Variants in EFHC2 observed in about 807,000 individuals in gnomAD.
EFHC2 encodes EF-hand domain-containing family member C2.
In EFHC2, 18 loss-of-function variants were observed where a neutral mutation model predicts 52.7. The observed-to-expected ratio is 0.34, with a 90% CI of 0.24 to 0.51. The LOEUF is 0.51. EFHC2 is among the 20% of genes least tolerant of loss of function. The pLI is 0.97. For missense variants in EFHC2, 513 were observed against 562.5 expected, an observed-to-expected ratio of 0.91 and a Z score of 0.89; for synonymous variants, 203 against 204.1, an observed-to-expected ratio of 0.99 and a Z score of 0.04.
At chrX:44,180,757 T>TAAATA (rs1556000882) in intron 11 of EFHC2, among the ~76,000 whole-genome samples, 6 of 104,907 alleles carry the variant, frequency 5.7e-5, no homozygotes, top group African/African-American at 1.4e-4. Flanking sequence ...AATAAATAAA[T>TAAATA]AAAAATAAAA....
chrX:44,343,629 G>T lies in EFHC2; in HGVS notation c.-41C>A. 9.6e-7 allele frequency: 1 copy of T among 1,037,087 alleles called. No homozygotes were observed. The highest frequency in any genetic ancestry group is 1.2e-6 in the Non-Finnish European group (1 of 804,624). 85.5% of individuals were successfully genotyped at this position (1,037,087 alleles called of 1,213,427 possible). On this transcript the variant is annotated 5_prime_UTR_variant, in exon 1 of 15. Coordinates refer to ENST00000420999, the MANE Select transcript of EFHC2 (RefSeq NM_025184.4). ...AAAATCCAGGGTCCCAGAAGAGAGG[G>T]CCCGGCAGGCAGCGGCGCCTCCCGG...
intron 8 of EFHC2, among the ~76,000 whole-genome samples, chrX:44,239,679 G>T (rs2037345840): frequency 8.9e-6 from 1 of 111,796 alleles, no homozygotes; most frequent in Admixed American, 9.5e-5. Flanking sequence ...ACTTTCCAAG[G>T]ATTTGATGAT....
chrX:44,250,063 A>G (rs952543619), intron 5 of EFHC2, 131 bp downstream of exon 5: 99 of 779,295 alleles, frequency 1.3e-4, no homozygotes, highest in Non-Finnish European at 1.7e-4. Flanking sequence ...AGGGCACAAA[A>G]TGAAAGGTTT....
At chrX:44,159,213 A>G (rs1256333790) in intron 14 of EFHC2, among the ~76,000 whole-genome samples, 2 of 111,814 alleles carry the variant, frequency 1.8e-5, no homozygotes, top group Non-Finnish European at 3.8e-5. Context: ...ACACTCCCAA[A>G]AAAACATCCT....
At chrX:44,301,937 T>C (rs2037871649) in intron 2 of EFHC2, among the ~76,000 whole-genome samples, 1 of 112,254 alleles carries the variant, frequency 8.9e-6, no homozygotes, top group East Asian at 2.8e-4. Flanking sequence ...ATTTGGGTTG[T>C]TCCCTGTTTT....
At chrX:44,179,868 G>A (rs767102476) in intron 11 of EFHC2, among the ~76,000 whole-genome samples, 1 of 112,162 alleles carries the variant, frequency 8.9e-6, no homozygotes, top group Non-Finnish European at 1.9e-5. Flanking sequence ...GCCACAAACT[G>A]GTAGGGCCAC....
chrX:44,225,415 C>T (rs1290205664), intron 11 of EFHC2, among the ~76,000 whole-genome samples: 9 of 110,684 alleles, frequency 8.1e-5, no homozygotes, highest in African/African-American at 2.3e-4. Flanking sequence ...AGCTCCTACC[C>T]TCAAAGTTTT....
chrX:44,327,610 T>C (rs1157744456), intron 1 of EFHC2, among the ~76,000 whole-genome samples: 2 of 111,549 alleles, frequency 1.8e-5, no homozygotes, highest in Non-Finnish European at 3.8e-5. Flanking sequence ...ATTCTTTTCT[T>C]TTTTGCTGTA....
intron 13 of EFHC2, among the ~76,000 whole-genome samples, chrX:44,171,236 C>T (rs761047555): frequency 5.4e-5 from 6 of 111,226 alleles, no homozygotes; most frequent in Non-Finnish European, 1.1e-4. Context: ...TCATACTCCC[C>T]CTCCCCAAAA....
chrX:44,235,182 T>A, intron 9 of EFHC2, 123 bp downstream of exon 9: 1 of 617,090 alleles, frequency 1.6e-6, no homozygotes, highest in Non-Finnish European at 2.2e-6. Flanking sequence ...TCAGGGTTTT[T>A]TTTTATAAAG....
At chrX:44,304,145 G>T (rs1485657184) in intron 2 of EFHC2, among the ~76,000 whole-genome samples, 2 of 112,310 alleles carry the variant, frequency 1.8e-5, no homozygotes, top group African/African-American at 6.5e-5. Context: ...AGCATAAACT[G>T]CTAAATGCCA....
At chrX:44,156,893 C>T (rs182519534) in intron 14 of EFHC2, among the ~76,000 whole-genome samples, 128 of 111,875 alleles carry the variant, frequency 1.1e-3, no homozygotes, top group African/African-American at 4.1e-3. Flanking sequence ...CATGACAGTG[C>T]CAGGGCAACA....
chrX:44,222,745 T>C (rs1176280946), intron 11 of EFHC2, among the ~76,000 whole-genome samples: 1 of 111,563 alleles, frequency 9.0e-6, no homozygotes, highest in Non-Finnish European at 1.9e-5. Context: ...TTATTCAATT[T>C]CCCCCCAGCT....
chrX:44,302,138 A>G (rs1310208197), intron 2 of EFHC2, among the ~76,000 whole-genome samples: 1 of 111,979 alleles, frequency 8.9e-6, no homozygotes, highest in Non-Finnish European at 1.9e-5. Context: ...CCAGGAATGT[A>G]TGAAGGTTCT....
chrX:44,223,888 A>G (rs530496008), intron 11 of EFHC2, among the ~76,000 whole-genome samples: 12 of 111,961 alleles, frequency 1.1e-4, no homozygotes, highest in African/African-American at 3.2e-4. Flanking sequence ...TACAATAAAA[A>G]ACACCAATAG....
intron 11 of EFHC2, among the ~76,000 whole-genome samples, chrX:44,188,510 A>G (rs1192028708): frequency 9.0e-6 from 1 of 111,492 alleles, no homozygotes; most frequent in Non-Finnish European, 1.9e-5. Context: ...ATAATAGAGG[A>G]ATGGACCAGA....
Position 44,312,707 on chromosome X carries a change from T to C in EFHC2, c.92A>G (p.Asn31Ser), listed in dbSNP as rs17146914. The C allele has an allele frequency of 0.064, 77,623 of 1,205,761 alleles. 1,970 individuals carry two copies. The highest frequency in any genetic ancestry group is 0.14 in the Admixed American group (6,370 of 45,027). The change falls in exon 2 of 15, where the codon AAT (asparagine) becomes AGT (serine). Residue 31 changes from asparagine to serine, a missense_variant. Asn to Ser is a conservative substitution (Grantham distance 46, BLOSUM62 1). Coordinates refer to ENST00000420999, the MANE Select transcript of EFHC2 (RefSeq NM_025184.4). ...HKSQHWGFCN[N>S]VMMLVSDEKP... ...TTCATCACTCACCAACATCATAACA[T>C]TGTTGCAAAAGCCCCAATGTTGGGA...
intron 13 of EFHC2, among the ~76,000 whole-genome samples, chrX:44,165,137 C>T (rs755506927): frequency 3.6e-5 from 4 of 111,449 alleles, no homozygotes; most frequent in Non-Finnish European, 7.5e-5. Flanking sequence ...AGGATCCTGC[C>T]CTTAAAATAT....
intron 1 of EFHC2, among the ~76,000 whole-genome samples, chrX:44,315,262 A>G (rs1478348427): frequency 6.5e-5 from 7 of 108,408 alleles, no homozygotes; most frequent in African/African-American, 2.4e-4. Flanking sequence ...CCAACACCAC[A>G]CTTCTTGTAC....
Sources: gnomAD v4.1 joint callset for allele counts (sites outside exome capture counted in the v4.1 genomes callset) on GRCh38, gnomAD v4.1.1 for gene constraint, MANE v1.5 for transcripts, NCBI Gene and HGNC (gene_info 2026-07-23, HGNC 2026-07-21) for gene names.